The following TBC1D9 variants were observed in gnomAD, a reference collection of about 807,000 sequenced individuals.
TBC1D9 encodes the protein TBC1 domain family member 9, also known as TBC1 domain family member 9A.
TBC1D9 carries 63 observed loss-of-function variants against 132.0 expected under a neutral mutation model. The observed-to-expected ratio is 0.48, with a 90% CI of 0.39 to 0.59. TBC1D9 has a LOEUF of 0.59. TBC1D9 is among the 20% of genes least tolerant of loss of function. The pLI is 0.00. For synonymous variants in TBC1D9, 610 were observed against 609.9 expected (o/e 1.00, Z 0.00); for missense variants, 1,261 against 1,592.7 (o/e 0.79, Z 3.54).
intron 13 of TBC1D9, chr4:140,642,359 G>A (rs762406241): frequency 1.2e-6 from 1 of 834,284 alleles, no homozygotes; most frequent in Non-Finnish European, 2.0e-6. Context: ...CGGCCCTTTT[G>A]TGTTTACCTT....
At chr4:140,734,092 G>A (rs755009464) in intron 1 of TBC1D9, among the ~76,000 whole-genome samples, 1 of 152,056 alleles carries the variant, frequency 6.6e-6, no homozygotes, top group Non-Finnish European at 1.5e-5. Context: ...CCATTGCCAC[G>A]GATCCTGATT....
intron 9 of TBC1D9, 58 bp downstream of exon 9, chr4:140,668,859 G>A (rs952287205): frequency 3.2e-6 from 5 of 1,585,898 alleles, no homozygotes; most frequent in Non-Finnish European, 4.3e-6. Context: ...GCACAGGGAG[G>A]CCCTGGTGTG....
At chr4:140,688,703 C>A (rs1278184733) in intron 2 of TBC1D9, among the ~76,000 whole-genome samples, 1 of 152,086 alleles carries the variant, frequency 6.6e-6, no homozygotes, top group East Asian at 1.9e-4. Context: ...CAACAACAAC[C>A]TTTACCCATC....
intron 1 of TBC1D9, among the ~76,000 whole-genome samples, chr4:140,733,953 C>T (rs949575601): frequency 1.3e-5 from 2 of 151,904 alleles, no homozygotes; most frequent in African/African-American, 4.8e-5. Context: ...CTCCCTCTTC[C>T]TTTCTTCCTT....
intron 2 of TBC1D9, among the ~76,000 whole-genome samples, chr4:140,697,488 T>C (rs1278502681): frequency 6.6e-6 from 1 of 152,190 alleles, no homozygotes; most frequent in Non-Finnish European, 1.5e-5. Context: ...TCTGGAGCTA[T>C]CTCTATGGGT....
At chr4:140,702,835 A>G (rs1738093097) in intron 1 of TBC1D9, among the ~76,000 whole-genome samples, 1 of 152,234 alleles carries the variant, frequency 6.6e-6, no homozygotes, top group South Asian at 2.1e-4. Flanking sequence ...GTTACTCTAA[A>G]GCTACATGGA....
At chr4:140,640,370 G>A (rs951954674) in intron 13 of TBC1D9, among the ~76,000 whole-genome samples, 5 of 140,628 alleles carry the variant, frequency 3.6e-5, no homozygotes, top group Non-Finnish European at 6.1e-5. Context: ...TTTGTCTGGC[G>A]CTCAGTAAAT....
At chr4:140,681,599 C>T (rs1737703644) in intron 3 of TBC1D9, among the ~76,000 whole-genome samples, 1 of 152,152 alleles carries the variant, frequency 6.6e-6, no homozygotes, top group Non-Finnish European at 1.5e-5. Flanking sequence ...AAAAGCATCC[C>T]AAAGTCCCTC....
intron 1 of TBC1D9, among the ~76,000 whole-genome samples, chr4:140,710,368 C>T (rs960961269): frequency 2.0e-5 from 3 of 152,090 alleles, no homozygotes; most frequent in African/African-American, 4.8e-5. Context: ...AGAGGTGGAG[C>T]GCCCACTCTG....
At chr4:140,709,163 G>C (rs1299988935) in intron 1 of TBC1D9, among the ~76,000 whole-genome samples, 1 of 150,488 alleles carries the variant, frequency 6.6e-6, no homozygotes, top group African/African-American at 2.4e-5. Context: ...AGCTGCCCCT[G>C]TATCATGGCT....
chr4:140,663,966 G>T (rs1737404430), intron 9 of TBC1D9, among the ~76,000 whole-genome samples: 1 of 148,370 alleles, frequency 6.7e-6, no homozygotes, highest in Non-Finnish European at 1.5e-5. Context: ...AAGATCTAAT[G>T]TAATACTGTA....
Position 140,622,119 on chromosome 4 carries a change from G to A in TBC1D9, c.*76C>T, listed in dbSNP as rs1054779153. On this transcript the variant is annotated 3_prime_UTR_variant, in exon 21 of 21. Coordinates refer to ENST00000442267, the MANE Select transcript of TBC1D9 (RefSeq NM_015130.3). ...AAATATTTAATTTAAAAGAAAGAAA[G>A]AAAAAACTCAACACAGAAGAACATA... 8 of 1,484,380 alleles carry A rather than the reference G, an allele frequency of 5.4e-6. No individual in the cohort carries two copies. In the Admixed American group the frequency reaches 1.8e-4, roughly 34 times the overall value. 92.0% of individuals were successfully genotyped at this position (1,484,380 alleles called of 1,614,324 possible).
intron 6 of TBC1D9, among the ~76,000 whole-genome samples, chr4:140,674,427 T>C (rs1255598772): frequency 6.6e-6 from 1 of 152,208 alleles, no homozygotes; most frequent in Middle Eastern, 3.4e-3. Flanking sequence ...ATACATATAT[T>C]TGAGAGAAAA....
At chr4:140,675,630 C>T (rs1413662902) in intron 6 of TBC1D9, among the ~76,000 whole-genome samples, 6 of 152,168 alleles carry the variant, frequency 3.9e-5, no homozygotes, top group African/African-American at 7.2e-5. Flanking sequence ...GTTTCTTAGA[C>T]TTTACTGTGC....
intron 13 of TBC1D9, among the ~76,000 whole-genome samples, chr4:140,651,722 G>A (rs934647976): frequency 6.6e-6 from 1 of 152,106 alleles, no homozygotes; most frequent in Non-Finnish European, 1.5e-5. Flanking sequence ...TCTGGACTTT[G>A]CTTTAAGTTA....
chr4:140,703,415 C>T lies in TBC1D9; in HGVS notation c.131-1801G>A, dbSNP rs141255786. Among the ~76,000 whole-genome samples the T allele has an allele frequency of 1.1e-4, 17 of 152,292 alleles. No individual in the cohort carries two copies. The South Asian group carries it at 1.2e-3, about 11-fold the overall frequency. ...CCACTGCTCTGGCATCCTGGTGTCA[C>T]GGAAGGAGCCATAATCTAGTCAACT... On this transcript the variant is annotated intron_variant, in intron 1 of 20. Transcript: ENST00000442267.
intron 9 of TBC1D9, among the ~76,000 whole-genome samples, chr4:140,665,437 A>G (rs543201822): frequency 1.3e-4 from 20 of 152,328 alleles, no homozygotes; most frequent in African/African-American, 4.8e-4. Flanking sequence ...ATCTGAGTAC[A>G]TATTTCTACA....
At position 140,670,972 on chromosome 4, in the gene TBC1D9, C is replaced by A. The variant is rs190982021; in HGVS notation, c.1060-46G>T. The A allele has an allele frequency of 4.1e-5, 62 of 1,527,258 alleles. 1 individual carries two copies. The highest frequency in any genetic ancestry group is 5.4e-5 in the Non-Finnish European group (60 of 1,102,492). The allele number at this position is 1,527,258 out of a possible 1,614,324, so 94.6% of individuals were successfully genotyped here. On this transcript the variant is annotated intron_variant, in intron 6 of 20. Transcript: ENST00000442267. The stretch of plus-strand genomic sequence containing the variant: ...AAGAGCATTATTTTCCAAGAATTAC[C>A]CAATAGCAGCCTATATGCAGCACTA...
chr4:140,635,640 C>G (rs533325374), intron 15 of TBC1D9, among the ~76,000 whole-genome samples: 5 of 152,180 alleles, frequency 3.3e-5, no homozygotes, highest in African/African-American at 9.6e-5. Context: ...TGTCTTTTCA[C>G]AATTGTTTAT....
Sources: allele counts gnomAD v4.1 joint callset (sites outside exome capture counted in the v4.1 genomes callset), GRCh38; gene constraint gnomAD v4.1.1; transcripts MANE v1.5; gene names NCBI Gene and HGNC (gene_info 2026-07-23, HGNC 2026-07-21).